Variants in PSD3 observed in about 807,000 individuals in gnomAD.
PSD3 encodes PH and SEC7 domain-containing protein 3.
A neutral mutation model predicts 105.5 loss-of-function variants in PSD3; 49 were observed. The ratio of observed to expected loss-of-function variants is 0.46; its 90% CI spans 0.37 to 0.59. PSD3 has a LOEUF of 0.59. Among genes scored for constraint, PSD3 ranks in the 20% least tolerant of loss-of-function variants. The pLI is 0.00. For synonymous variants in PSD3, 557 were observed against 457.8 expected (o/e 1.22, Z -2.77); for missense variants, 1,561 against 1,263.8 (o/e 1.24, Z -3.57).
chr8:18,864,908 C>A (rs548175636), intron 4 of PSD3: 1 of 151,646 alleles, frequency 6.6e-6, no homozygotes, highest in Admixed American at 6.6e-5. Flanking sequence ...TGTGTGGAAA[C>A]GTGTGTATTA....
chr8:18,937,336 T>C (rs1402443624), intron 1 of PSD3, among the ~76,000 whole-genome samples: 1 of 152,184 alleles, frequency 6.6e-6, no homozygotes, highest in Non-Finnish European at 1.5e-5. Flanking sequence ...AGACATCATC[T>C]TTTCTCATGT....
intron 8 of PSD3, among the ~76,000 whole-genome samples, chr8:18,780,773 C>T (rs1808534485): frequency 6.6e-6 from 1 of 152,146 alleles, no homozygotes; most frequent in East Asian, 1.9e-4. Context: ...CCAGGATGGT[C>T]TCAATCTCCT....
intron 1 of PSD3, among the ~76,000 whole-genome samples, chr8:18,945,838 AGTGGTGCACACTT>A (rs1172325108): frequency 1.6e-5 from 2 of 127,926 alleles, no homozygotes; most frequent in Non-Finnish European, 3.4e-5. Context: ...AGCCAGGTGC[AGTGGTGCACACTT>A]GTAATCCCAG....
At chr8:18,776,384 T>C (rs202180230) in intron 8 of PSD3, among the ~76,000 whole-genome samples, 2 of 125,806 alleles carry the variant, frequency 1.6e-5, no homozygotes, top group Non-Finnish European at 3.6e-5. Context: ...ATATATATAA[T>C]TTTTTTTTTT....
intron 4 of PSD3, among the ~76,000 whole-genome samples, chr8:18,825,408 G>A (rs769777347): frequency 1.3e-5 from 2 of 152,160 alleles, no homozygotes; most frequent in African/African-American, 2.4e-5. Context: ...GTTCTGGGGT[G>A]CAACCCGGTT....
chr8:18,760,080 T>G (rs1806393871), intron 9 of PSD3, among the ~76,000 whole-genome samples: 1 of 151,688 alleles, frequency 6.6e-6, no homozygotes, highest in South Asian at 2.1e-4. Flanking sequence ...ATCAAGACAC[T>G]GCATTTTGAA....
In PSD3 at chr8:18,709,005, G is replaced by A. The variant is rs376240846; in HGVS notation, c.2173-53320C>T. 7.0e-4 allele frequency among the ~76,000 whole-genome samples: 106 copies of A among 152,238 alleles called. 1 individual carries two copies. The highest frequency in any genetic ancestry group is 2.3e-3 in the African/African-American group (96 of 41,538). On this transcript the variant is annotated intron_variant, in intron 9 of 15. Transcript: ENST00000327040. ...TCAGGAGATCCCCTTGTGAACCCACGCTACCAGGGCCTTGGGTCCCATGCA... is the reference window on the plus strand; with the variant it reads ...TCAGGAGATCCCCTTGTGAACCCACACTACCAGGGCCTTGGGTCCCATGCA...
chr8:18,628,895 C>T (rs563273145), intron 11 of PSD3, among the ~76,000 whole-genome samples: 24 of 151,896 alleles, frequency 1.6e-4, no homozygotes, highest in African/African-American at 3.1e-4. Context: ...AAAGACCAGA[C>T]GGAATAAATA....
intron 11 of PSD3, among the ~76,000 whole-genome samples, 181 bp downstream of exon 11, chr8:18,632,432 T>G (rs916538523): frequency 6.6e-6 from 1 of 152,050 alleles, no homozygotes; most frequent in Non-Finnish European, 1.5e-5. Flanking sequence ...TAATTCTGCT[T>G]AGAGAAGAGC....
At chr8:19,056,719 G>A (rs6984350) in intron 1 of PSD3, among the ~76,000 whole-genome samples, 1 of 152,018 alleles carries the variant, frequency 6.6e-6, no homozygotes, top group Non-Finnish European at 1.5e-5. Context: ...CTGATTACAT[G>A]TCTGGTGCAA....
intron 4 of PSD3, among the ~76,000 whole-genome samples, chr8:18,836,884 G>A (rs1215667848): frequency 1.4e-5 from 2 of 146,548 alleles, no homozygotes; most frequent in Admixed American, 6.8e-5. Context: ...GGTTTAATGC[G>A]ATGTGGAACT....
At chr8:18,741,436 A>G (rs1804566437) in intron 9 of PSD3, among the ~76,000 whole-genome samples, 1 of 152,178 alleles carries the variant, frequency 6.6e-6, no homozygotes, top group Non-Finnish European at 1.5e-5. Flanking sequence ...CAACTTTACA[A>G]CAGTGGTCCA....
chr8:18,544,554 G>A (rs899873249), intron 15 of PSD3, among the ~76,000 whole-genome samples: 1 of 151,976 alleles, frequency 6.6e-6, no homozygotes, highest in East Asian at 1.9e-4. Flanking sequence ...GGCTTTCTGG[G>A]AAATCCAAAG....
At chr8:19,038,378 A>G (rs2129476587) in intron 1 of PSD3, among the ~76,000 whole-genome samples, 1 of 152,314 alleles carries the variant, frequency 6.6e-6, no homozygotes, top group South Asian at 2.1e-4. Context: ...TTATCACTCA[A>G]GAGAAGTCTT....
At chr8:18,877,884 T>C (rs537572909) in intron 2 of PSD3, among the ~76,000 whole-genome samples, 4 of 152,342 alleles carry the variant, frequency 2.6e-5, no homozygotes, top group East Asian at 1.9e-4. Context: ...TTCACTATTG[T>C]AGCTTTGCAG....
chr8:18,852,965 C>T (rs1036013012), intron 4 of PSD3, among the ~76,000 whole-genome samples: 11 of 152,068 alleles, frequency 7.2e-5, no homozygotes, highest in Admixed American at 7.2e-4. Flanking sequence ...ATTTCATACA[C>T]GAAGAAGCTG....
intron 9 of PSD3, among the ~76,000 whole-genome samples, chr8:18,691,993 C>A (rs1423635645): frequency 2.6e-5 from 4 of 152,110 alleles, no homozygotes; most frequent in African/African-American, 4.8e-5. Context: ...TTTTTCATTT[C>A]TTTGATTAGT....
chr8:19,015,690 C>T (rs1423676610), upstream of PSD3, among the ~76,000 whole-genome samples: 1 of 152,188 alleles, frequency 6.6e-6, no homozygotes, highest in Non-Finnish European at 1.5e-5. Context: ...TGGGCATAGA[C>T]ATCTATAATC....
At chr8:18,895,499 T>A (rs991870223) in intron 2 of PSD3, among the ~76,000 whole-genome samples, 3 of 152,216 alleles carry the variant, frequency 2.0e-5, no homozygotes, top group African/African-American at 7.2e-5. Context: ...TACAATTCGT[T>A]TTGGAATTAA....
Sources: gnomAD v4.1 joint callset for allele counts (sites outside exome capture counted in the v4.1 genomes callset) on GRCh38, gnomAD v4.1.1 for gene constraint, MANE v1.5 for transcripts, NCBI Gene and HGNC (gene_info 2026-07-23, HGNC 2026-07-21) for gene names.